CR1L: variants seen among roughly 807,000 people sequenced by gnomAD.
CR1L encodes the protein complement component receptor 1-like protein.
A neutral mutation model predicts 62.3 loss-of-function variants in CR1L; 59 were observed. The ratio of observed to expected loss-of-function variants is 0.95; its 90% CI spans 0.77 to 1.18. The LOEUF is 1.18. Ranked by LOEUF, CR1L falls within the 50% of genes most tolerant of loss-of-function variation. The pLI is 0.00. For synonymous variants in CR1L, 279 were observed against 248.7 expected (o/e 1.12, Z -1.15); for missense variants, 700 against 702.8 (o/e 1.00, Z 0.04).
chr1:207,663,404 G>T (rs1663457641), intron 1 of CR1L, among the ~76,000 whole-genome samples: 2 of 152,232 alleles, frequency 1.3e-5, no homozygotes, highest in South Asian at 4.1e-4. Flanking sequence ...TGCTGTGCTA[G>T]CAATGAGCAA....
At chr1:207,682,990 TTTTTTCTTTCTTTCTTTCTTTTTC>T (rs1378138854) in intron 3 of CR1L, among the ~76,000 whole-genome samples, 1 of 138,062 alleles carries the variant, frequency 7.2e-6, no homozygotes, top group African/African-American at 2.5e-5. Context: ...CTTTCTTTCT[TTTTTTCTTTCTTTCTTTCTTTTTC>T]TTTCTTTCTT....
At chr1:207,712,451 C>T (rs750202425) in intron 10 of CR1L, among the ~76,000 whole-genome samples, 7 of 152,172 alleles carry the variant, frequency 4.6e-5, no homozygotes, top group African/African-American at 1.4e-4. Context: ...AACTATGAGG[C>T]CTTCAGCAGG....
chr1:207,706,001 G>A (rs1262713378), intron 9 of CR1L, among the ~76,000 whole-genome samples: 12 of 101,312 alleles, frequency 1.2e-4, no homozygotes, highest in Admixed American at 1.1e-3. Flanking sequence ...TCATATATAT[G>A]TGTGTGTGTA....
At chr1:207,657,563 G>C (rs915342005) in intron 1 of CR1L, among the ~76,000 whole-genome samples, 3 of 151,994 alleles carry the variant, frequency 2.0e-5, no homozygotes, top group African/African-American at 7.3e-5. Flanking sequence ...ATCTGCATGA[G>C]TTAGAAGTTT....
At chr1:207,645,807 G>C (rs1457541533) in intron 1 of CR1L, among the ~76,000 whole-genome samples, 1 of 152,136 alleles carries the variant, frequency 6.6e-6, no homozygotes, top group African/African-American at 2.4e-5. Context: ...GTTGCAGTGC[G>C]TCTGCTGTGC....
At chr1:207,671,798 G>A (rs1178166234) in intron 1 of CR1L, among the ~76,000 whole-genome samples, 3 of 150,684 alleles carry the variant, frequency 2.0e-5, no homozygotes, top group East Asian at 3.9e-4. Context: ...GTGGGTGCCT[G>A]TAATCCCAGC....
intron 1 of CR1L, among the ~76,000 whole-genome samples, chr1:207,650,358 G>A (rs1571640580): frequency 6.6e-6 from 1 of 152,266 alleles, no homozygotes; most frequent in East Asian, 1.9e-4. Context: ...CAAGGAGTGA[G>A]AACTCTTCAG....
chr1:207,695,033 T>C (rs936084094), intron 5 of CR1L, among the ~76,000 whole-genome samples: 1 of 152,144 alleles, frequency 6.6e-6, no homozygotes, highest in African/African-American at 2.4e-5. Context: ...AGAAAATGAG[T>C]GATTCTTCCA....
intron 4 of CR1L, among the ~76,000 whole-genome samples, chr1:207,693,773 A>C (rs935060518): frequency 6.6e-6 from 1 of 151,278 alleles, no homozygotes; most frequent in Non-Finnish European, 1.5e-5. Flanking sequence ...TTATTCTTAC[A>C]TGTTTGTTGG....
At chr1:207,715,565 T>G (rs1430272470) in intron 10 of CR1L, among the ~76,000 whole-genome samples, 1 of 152,262 alleles carries the variant, frequency 6.6e-6, no homozygotes, top group Non-Finnish European at 1.5e-5. Context: ...TTCTGACATT[T>G]GTTACTAATC....
At chr1:207,714,489 G>C (rs1361460028) in intron 10 of CR1L, among the ~76,000 whole-genome samples, 1 of 152,062 alleles carries the variant, frequency 6.6e-6, no homozygotes. Flanking sequence ...GTTTCACCGG[G>C]ATCCGCCCCA....
chr1:207,710,461 A>G (rs1206354734), intron 10 of CR1L: 1 of 1,598,310 alleles, frequency 6.3e-7, no homozygotes, highest in Non-Finnish European at 8.6e-7. Context: ...ACTATGGATC[A>G]GTGGTGACCT....
intron 1 of CR1L, among the ~76,000 whole-genome samples, chr1:207,656,233 G>A (rs1571643458): frequency 6.7e-6 from 1 of 150,076 alleles, no homozygotes; most frequent in Non-Finnish European, 1.5e-5. Flanking sequence ...GCGAGATTCC[G>A]TCTCAAAATC....
chr1:207,657,405 G>GT (rs770136995), intron 1 of CR1L: 16 of 638,590 alleles, frequency 2.5e-5, no homozygotes, highest in African/African-American at 1.8e-4. Context: ...TAAAGCAGGT[G>GT]TATGTGCTTC....
chr1:207,713,133 C>T (rs1298766204), intron 10 of CR1L, among the ~76,000 whole-genome samples: 2 of 152,160 alleles, frequency 1.3e-5, no homozygotes, highest in African/African-American at 4.8e-5. Flanking sequence ...ATGGCACATA[C>T]AACTCAATAT....
chr1:207,662,920 CCT>C (rs1481698407), intron 1 of CR1L, among the ~76,000 whole-genome samples: 1 of 152,170 alleles, frequency 6.6e-6, no homozygotes, highest in African/African-American at 2.4e-5. Flanking sequence ...CACTCTAGAC[CCT>C]GTTTGCCTGG....
chr1:207,653,915 T>G (rs1000286858), intron 1 of CR1L, among the ~76,000 whole-genome samples: 2 of 152,210 alleles, frequency 1.3e-5, no homozygotes, highest in African/African-American at 4.8e-5. Flanking sequence ...AGGGCTTTCA[T>G]GCTGCATCAG....
rs1040789903 is a variant in CR1L at position 207,663,121 on chromosome 1, G to A, written c.98-14268G>A. ...ACCCACTTGAGGAGGTAGTCTGCCC[G>A]TTCTCAGATCTCAAGCTGCGTGCTG... On this transcript the variant is annotated intron_variant, in intron 1 of 11. Coordinates refer to ENST00000508064, the MANE Select transcript of CR1L (RefSeq NM_175710.2). Among the ~76,000 whole-genome samples the A allele has an allele frequency of 1.2e-4, 19 of 152,306 alleles. No individual in the cohort carries two copies. In the South Asian group the frequency reaches 1.5e-3, roughly 12 times the overall value.
chr1:207,698,020 G>GTA, intron 7 of CR1L, 147 bp downstream of exon 7: 1 of 1,328,416 alleles, frequency 7.5e-7, no homozygotes, highest in Non-Finnish European at 1.0e-6. Context: ...ACTTTTGAAA[G>GTA]TATATATAGG....
Sources: gnomAD v4.1 joint callset for allele counts (sites outside exome capture counted in the v4.1 genomes callset) on GRCh38, gnomAD v4.1.1 for gene constraint, MANE v1.5 for transcripts, NCBI Gene and HGNC (gene_info 2026-07-23, HGNC 2026-07-21) for gene names.